Variants in DNAH17 observed in about 807,000 individuals in gnomAD.
The protein encoded by DNAH17 is dynein axonemal heavy chain 17, also known as axonemal beta dynein heavy chain 17.
DNAH17 carries 376 observed loss-of-function variants against 485.6 expected under a neutral mutation model. That is an observed-to-expected ratio of 0.77 (90% CI 0.71 to 0.84). The LOEUF (loss-of-function observed/expected upper bound fraction) is 0.84. DNAH17 is among the 40% of genes least tolerant of loss of function. The pLI is 0.00. For synonymous variants in DNAH17, 3,031 were observed against 2,405.9 expected (o/e 1.26, Z -7.60); for missense variants, 6,370 against 5,839.3 (o/e 1.09, Z -2.96).
intron 18 of DNAH17, among the ~76,000 whole-genome samples, chr17:78,538,138 CAAAAAAAAAAAAAA>C (rs60460125): frequency 0.012 from 1,249 of 106,312 alleles, 10 homozygotes; most frequent in Non-Finnish European, 0.017. Flanking sequence ...ACTCTGTCTC[CAAAAAAAAAAAAAA>C]AAAAAAAAAA....
At chr17:78,495,406 AG>A (rs991227453) in intron 38 of DNAH17, among the ~76,000 whole-genome samples, 14 of 150,304 alleles carry the variant, frequency 9.3e-5, no homozygotes, top group African/African-American at 3.4e-4. Flanking sequence ...GTGCTTTCTA[AG>A]GAGGCCCTCG....
Position 78,423,902 on chromosome 17 carries a change from C to G in DNAH17, c.*4G>C, listed in dbSNP as rs769803281. On this transcript the variant is annotated 3_prime_UTR_variant, in exon 81 of 81. Transcript: ENST00000389840. ...GGGAGTGTGGGCTGTGAGGCAGGAG[C>G]GAGCTAAACCTGTAGGAGCAGCGCC... The G allele has an allele frequency of 2.5e-6, 4 of 1,613,702 alleles. No homozygotes were observed. The highest frequency in any genetic ancestry group is 3.4e-6 in the Non-Finnish European group (4 of 1,179,726).
intron 30 of DNAH17, among the ~76,000 whole-genome samples, chr17:78,505,992 TTAA>T (rs1373851480): frequency 1.3e-5 from 2 of 151,954 alleles, no homozygotes; most frequent in East Asian, 3.9e-4. Context: ...ATAAAAAAAA[TTAA>T]TAAATAAGAT....
At chr17:78,507,947 G>A in intron 27 of DNAH17, 142 bp from the exon 28 acceptor site, 1 of 748,666 alleles carries the variant, frequency 1.3e-6, no homozygotes. Flanking sequence ...AGGAGCCAAA[G>A]GCAGATCCAA....
chr17:78,477,018 G>C (rs114256185), intron 51 of DNAH17, among the ~76,000 whole-genome samples: 1 of 152,200 alleles, frequency 6.6e-6, no homozygotes, highest in Non-Finnish European at 1.5e-5. Context: ...GGACAAGGGA[G>C]GCTAATTGCA....
chr17:78,567,694 G>C (rs2143700758), intron 9 of DNAH17, among the ~76,000 whole-genome samples: 1 of 152,254 alleles, frequency 6.6e-6, no homozygotes, highest in East Asian at 1.9e-4. Context: ...CGCCGGTGTG[G>C]CTCATGCCCC....
intron 42 of DNAH17, 98 bp downstream of exon 42, chr17:78,492,535 T>G: frequency 6.6e-7 from 1 of 1,525,984 alleles, no homozygotes. Flanking sequence ...CACCCTAGCC[T>G]GGGGAGGCTG....
chr17:78,526,438 T>A (rs1262226823), intron 24 of DNAH17, among the ~76,000 whole-genome samples: 1 of 152,038 alleles, frequency 6.6e-6, no homozygotes, highest in Non-Finnish European at 1.5e-5. Flanking sequence ...CACCATGTGG[T>A]CTGGGGGGCT....
intron 75 of DNAH17, among the ~76,000 whole-genome samples, chr17:78,433,185 G>C (rs181524380): frequency 6.6e-6 from 1 of 152,202 alleles, no homozygotes; most frequent in Admixed American, 6.5e-5. Context: ...GGGGCTCCTG[G>C]GCCTGTGCCA....
In DNAH17 at chr17:78,426,947, C is replaced by A. The variant is rs758960368; in HGVS notation, c.12750G>T (p.Lys4250Asn). 21 of 1,607,870 alleles carry A rather than the reference C, an allele frequency of 1.3e-5. No homozygotes were observed. Among genetic ancestry groups the A allele is most frequent in the Non-Finnish European group, 1.6e-5 (19 of 1,177,240 alleles). The stretch of plus-strand genomic sequence containing the variant: ...TTACCTTCAGCCCCAGGTTCAGCTC[C>A]TTGAGCGAACGGCGCATTTCGTTGG... ...ILTNEMRRSL[K>N]ELNLGLKGEL... Residue 4250 changes from lysine (K) to asparagine (N), a missense_variant, in exon 78 of 81, where the codon AAG becomes AAT. Transcript: ENST00000389840.
chr17:78,557,138 C>T (rs2092041463), intron 14 of DNAH17, among the ~76,000 whole-genome samples: 1 of 152,168 alleles, frequency 6.6e-6, no homozygotes, highest in African/African-American at 2.4e-5. Context: ...AGTTCTTGAA[C>T]CAAAGAGCTG....
At chr17:78,442,149 T>C (rs2087101064) in intron 71 of DNAH17, among the ~76,000 whole-genome samples, 1 of 152,100 alleles carries the variant, frequency 6.6e-6, no homozygotes, top group Non-Finnish European at 1.5e-5. Context: ...AATGGCCGCA[T>C]CCCGAAGGGT....
intron 61 of DNAH17, 55 bp from the exon 62 acceptor site, chr17:78,458,735 C>A: frequency 1.4e-6 from 2 of 1,477,754 alleles, no homozygotes; most frequent in Non-Finnish European, 1.9e-6. Flanking sequence ...TCTCTAGCCC[C>A]CTGCAGCGGC....
intron 3 of DNAH17, 105 bp from the exon 4 acceptor site, chr17:78,571,887 G>T: frequency 8.8e-7 from 1 of 1,138,304 alleles, no homozygotes. Flanking sequence ...ACCACCAGCA[G>T]CAGCACCGTC....
intron 77 of DNAH17, among the ~76,000 whole-genome samples, 176 bp from the exon 78 acceptor site, chr17:78,427,284 A>G (rs1033618589): frequency 6.6e-6 from 1 of 152,210 alleles, no homozygotes. Context: ...TGATGAGGAG[A>G]GGGAGCCTTG....
rs1329119022 is a variant in DNAH17 at position 78,475,314 on chromosome 17, G to A, written c.8475C>T (p.Ile2825=). The A allele has an allele frequency of 1.9e-6, 3 of 1,614,016 alleles. No homozygotes were observed. The highest frequency in any genetic ancestry group is 1.6e-4 in the Middle Eastern group (1 of 6,062). The change falls in exon 54 of 81, where the codon ATC becomes ATT. Residue 2825 remains isoleucine (I), a synonymous_variant. Coordinates refer to ENST00000389840, the MANE Select transcript of DNAH17 (RefSeq NM_173628.4). ...GGATCCCGTAGCCCTTCTTGAGGGTGATCTGAAACACGTCAAGCCCGCTGA... is the reference window on the plus strand; with the variant it reads ...GGATCCCGTAGCCCTTCTTGAGGGTAATCTGAAACACGTCAAGCCCGCTGA... ...AYISGLDVFQ[I]TLKKGYGIPD...
intron 16 of DNAH17, among the ~76,000 whole-genome samples, chr17:78,544,342 G>A (rs974911321): frequency 6.6e-6 from 1 of 152,210 alleles, no homozygotes; most frequent in African/African-American, 2.4e-5. Context: ...CGAGCGTCGA[G>A]GAGTGTGTGG....
In DNAH17 at chr17:78,425,503, G is replaced by T. The variant is rs759015683; in HGVS notation, c.12984C>A (p.Pro4328=). ...TTVWLAGFFN[P]QSFLTAIMQS... ...GCATGATGGCCGTGAGGAACGACTG[G>T]GGGTTGAAGAAGCCGGCCAGCCACA... is the stretch of plus-strand genomic sequence containing the variant. The change falls in exon 80 of 81, where the codon CCC becomes CCA. Residue 4328 remains proline (P), a synonymous_variant. Coordinates refer to ENST00000389840, the MANE Select transcript of DNAH17 (RefSeq NM_173628.4). 2.5e-6 allele frequency: 4 copies of T among 1,613,928 alleles called. No individual in the cohort carries two copies. The highest frequency in any genetic ancestry group is 1.1e-5 in the South Asian group (1 of 91,086).
chr17:78,571,187 C>T, intron 5 of DNAH17, 92 bp downstream of exon 5: 1 of 1,337,236 alleles, frequency 7.5e-7, no homozygotes, highest in Non-Finnish European at 1.1e-6. Context: ...AGAGGGAGGC[C>T]AACATCCTAG....
Sources: allele counts gnomAD v4.1 joint callset (sites outside exome capture counted in the v4.1 genomes callset), GRCh38; gene constraint gnomAD v4.1.1; transcripts MANE v1.5; gene names NCBI Gene and HGNC (gene_info 2026-07-23, HGNC 2026-07-21).